The following MAP3K14 variants were observed in gnomAD, a reference collection of about 807,000 sequenced individuals.
MAP3K14 encodes the protein mitogen-activated protein kinase kinase kinase 14, also known as NF-kappa-beta-inducing kinase.
Under a neutral mutation model 99.2 loss-of-function variants are expected in MAP3K14, and 16 were observed. The ratio of observed to expected loss-of-function variants is 0.16; its 90% CI spans 0.11 to 0.24. The LOEUF (loss-of-function observed/expected upper bound fraction) is 0.24. MAP3K14 is among the 10% of genes least tolerant of loss of function. MAP3K14 has a pLI of 1.00. For missense variants in MAP3K14, 784 were observed against 1,208.7 expected, an observed-to-expected ratio of 0.65 and a Z score of 5.21; for synonymous variants, 462 against 492.4, an observed-to-expected ratio of 0.94 and a Z score of 0.82.
In MAP3K14 at chr17:45,286,772, G is replaced by C. The variant is rs777347079; in HGVS notation, c.811C>G (p.Pro271Ala). Residue 271 changes from proline (P) to alanine (A), a missense_variant, in exon 5 of 16, where the codon CCT becomes GCT. Around this residue, in one of 5 missense-constraint regions of MAP3K14, gnomAD observed 138 missense variants for 164.1 expected, o/e 0.84. Coordinates refer to ENST00000344686, the MANE Select transcript of MAP3K14 (RefSeq NM_003954.5). This position sits in a 1 kb window ranked among gnomAD's most constrained non-coding sequence, Gnocchi z 4.1. ...GGGTGAGGTTTCCAGGGCTGGAGAG[G>C]GTGGAATGGGAAGGGATGAGGCAGT... The part of the protein sequence containing the change: ...SRLPHPFPFH[P>A]LQPWKPHPLE... 3.1e-6 allele frequency: 5 copies of C among 1,612,730 alleles called. No homozygotes were observed. The Admixed American group carries it at 8.4e-5, about 27-fold the overall frequency.
At chr17:45,305,348 G>A (rs867486405) in intron 1 of MAP3K14, among the ~76,000 whole-genome samples, 1 of 150,758 alleles carries the variant, frequency 6.6e-6, no homozygotes, top group Non-Finnish European at 1.5e-5. Context: ...CACCTGCCTC[G>A]GCCTCCCAAA....
At position 45,286,372 on chromosome 17, in the gene MAP3K14, A is replaced by C; in HGVS notation, c.1152+59T>G. On this transcript the variant is annotated intron_variant, in intron 5 of 15. Transcript: ENST00000344686. The surrounding 1 kb of genome is among the most constrained non-coding windows in gnomAD (Gnocchi z 4.1). ...GCAAGAGTGACTCTGATAAAGAGAG[A>C]AAAGCATCCCCCAGGTTGCTGGTAG... 6.7e-7 allele frequency: 1 copy of C among 1,488,734 alleles called. No individual in the cohort carries two copies. Among genetic ancestry groups the C allele is most frequent in the Middle Eastern group, 1.8e-4 (1 of 5,474 alleles). The allele number at this position is 1,488,734 out of a possible 1,614,324, so 92.2% of individuals were successfully genotyped here. A position where few individuals can be genotyped will look rare whatever the true frequency, so the allele number is the denominator to read the frequency against.
chr17:45,275,760 C>CTTTTTTTTTT (rs369154222), intron 6 of MAP3K14, among the ~76,000 whole-genome samples: 12 of 123,534 alleles, frequency 9.7e-5, no homozygotes, highest in South Asian at 2.6e-4. Context: ...CTTTTCTTTT[C>CTTTTTTTTTT]TTTTTTTTTT....
At chr17:45,314,282 T>C (rs2044510639) in intron 1 of MAP3K14, among the ~76,000 whole-genome samples, 1 of 152,206 alleles carries the variant, frequency 6.6e-6, no homozygotes, top group Non-Finnish European at 1.5e-5. Flanking sequence ...TTAGCCAGCA[T>C]CACCGAGTAA....
rs545570637 is a variant in MAP3K14 at position 45,274,195 on chromosome 17, A to G, written c.1480T>C (p.Tyr494His). The G allele has an allele frequency of 1.9e-6, 3 of 1,599,592 alleles. No homozygotes were observed. The African/African-American group carries it at 4.0e-5, about 21-fold the overall frequency. ...CCCTCCAGGGCCTGGCCCAGGTAGT[A>G]CAGGGCCCGGTCCTCTGGGAGACAG... is the stretch of plus-strand genomic sequence containing the variant. ...QGCLPEDRAL[Y>H]YLGQALEGLE... is the part of the protein sequence containing the mutation. The change falls in exon 8 of 16, where the codon TAC becomes CAC. Residue 494 changes from tyrosine (Y) to histidine (H), a missense_variant. Physicochemically the swap from Tyr to His is moderately conservative, Grantham distance 83. Transcript: ENST00000344686.
At chr17:45,279,664 C>G (rs1034181012) in intron 6 of MAP3K14, among the ~76,000 whole-genome samples, 1 of 148,324 alleles carries the variant, frequency 6.7e-6, no homozygotes, top group Non-Finnish European at 1.5e-5. Context: ...ACCTCATGAT[C>G]TGCCCACCTC....
chr17:45,287,289 C>G lies in MAP3K14; in HGVS notation c.402G>C (p.Trp134Cys). ...ATEGKMARVC[W>C]KGKRRSKARK... ...GGGCTTTGCTGCGACGCTTTCCCTT[C>G]CAACACACACGGGCCATTTTGCCCT... The change falls in exon 4 of 16, where the codon TGG becomes TGC. Residue 134 changes from tryptophan to cysteine, a missense_variant. Trp to Cys is a radical substitution (Grantham distance 215, BLOSUM62 -2). This residue lies in a region of MAP3K14 where 188 missense variants were observed against 313.0 expected (regional missense o/e 0.60). Transcript: ENST00000344686. 6.2e-7 allele frequency: 1 copy of G among 1,614,026 alleles called. No individual in the cohort carries two copies. Among genetic ancestry groups the G allele is most frequent in the Non-Finnish European group, 8.5e-7 (1 of 1,179,890 alleles).
chr17:45,266,707 C>T, intron 13 of MAP3K14, 26 bp from the exon 14 acceptor site: 3 of 1,590,160 alleles, frequency 1.9e-6, no homozygotes, highest in Non-Finnish European at 2.6e-6. Flanking sequence ...TGGGTACGGG[C>T]TCAGGGCCCT....
intron 6 of MAP3K14, among the ~76,000 whole-genome samples, chr17:45,282,965 G>C (rs2044235081): frequency 6.6e-6 from 1 of 152,250 alleles, no homozygotes; most frequent in Admixed American, 6.5e-5. Flanking sequence ...AAGTGGTTCT[G>C]TGAGTGGCAG....
At chr17:45,278,633 C>T (rs966784887) in intron 6 of MAP3K14, among the ~76,000 whole-genome samples, 2 of 151,868 alleles carry the variant, frequency 1.3e-5, no homozygotes, top group African/African-American at 2.4e-5. Context: ...AGCCTGACTC[C>T]AGAGCTGCCA....
rs2044060449 is a variant in MAP3K14 at position 45,264,804 on chromosome 17, AG to A, written c.2680-5del. ...AGCTGAAGGCTGCAGCTGGGATCTA[AG>A]GGTGGAGCAAACCAGTGGGCTGAGA... On this transcript the variant is annotated splice_polypyrimidine_tract_variant and splice_region_variant and intron_variant, in intron 15 of 15. Coordinates refer to ENST00000344686, the MANE Select transcript of MAP3K14 (RefSeq NM_003954.5). 2 of 1,612,548 alleles carry A rather than the reference AG, an allele frequency of 1.2e-6. No individual in the cohort carries two copies. The highest frequency in any genetic ancestry group is 2.2e-5 in the South Asian group (2 of 90,846).
chr17:45,313,327 GAACAACAAC>G (rs754915065), intron 1 of MAP3K14, among the ~76,000 whole-genome samples: 1 of 151,742 alleles, frequency 6.6e-6, no homozygotes, highest in Non-Finnish European at 1.5e-5. Context: ...CCACCAACAA[GAACAACAAC>G]AACAACAACA....
At chr17:45,277,131 TA>T (rs1479212568) in intron 6 of MAP3K14, among the ~76,000 whole-genome samples, 1 of 152,120 alleles carries the variant, frequency 6.6e-6, no homozygotes, top group African/African-American at 2.4e-5. Flanking sequence ...CACGGCCTCT[TA>T]GGCTTCTTCT....
chr17:45,274,076 G>A, intron 8 of MAP3K14, 47 bp downstream of exon 8: 1 of 1,594,092 alleles, frequency 6.3e-7, no homozygotes, highest in Non-Finnish European at 8.6e-7. Flanking sequence ...AGGATGGTGT[G>A]AGAGAAGAGC....
At chr17:45,283,819 G>C (rs569718815) in intron 6 of MAP3K14, among the ~76,000 whole-genome samples, 2 of 152,322 alleles carry the variant, frequency 1.3e-5, no homozygotes, top group South Asian at 4.1e-4. Context: ...CTGCCCAGAG[G>C]GCCAAGGGGA....
intron 6 of MAP3K14, among the ~76,000 whole-genome samples, chr17:45,277,832 G>A (rs2044191794): frequency 6.6e-6 from 1 of 152,176 alleles, no homozygotes; most frequent in Non-Finnish European, 1.5e-5. Flanking sequence ...TCTCTATGAA[G>A]CTATGTTTTT....
chr17:45,292,795 C>T (rs1053628752), intron 1 of MAP3K14, among the ~76,000 whole-genome samples: 5 of 152,212 alleles, frequency 3.3e-5, no homozygotes, highest in Middle Eastern at 3.2e-3. Flanking sequence ...AACCTAACAG[C>T]AGTAGGGAAT....
intron 6 of MAP3K14, among the ~76,000 whole-genome samples, chr17:45,276,063 A>G (rs2044177997): frequency 6.6e-6 from 1 of 151,820 alleles, no homozygotes; most frequent in South Asian, 2.1e-4. Context: ...GCCCGGCCTC[A>G]ACACTTTTCT....
At chr17:45,304,583 T>C (rs2044417181) in intron 1 of MAP3K14, among the ~76,000 whole-genome samples, 1 of 152,376 alleles carries the variant, frequency 6.6e-6, no homozygotes, top group South Asian at 2.1e-4. Context: ...CCAAACATTG[T>C]ATTATTTATT....
Sources: allele counts gnomAD v4.1 joint callset (sites outside exome capture counted in the v4.1 genomes callset), GRCh38; gene constraint gnomAD v4.1.1; regional missense constraint gnomAD v4.1.1; non-coding constraint Gnocchi (gnomAD v3.1); transcripts MANE v1.5; gene names NCBI Gene and HGNC (gene_info 2026-07-23, HGNC 2026-07-21).